CNTN1: variants seen among roughly 807,000 people sequenced by gnomAD.
CNTN1 encodes the protein contactin 1, also known as contactin-1.
Under a neutral mutation model 126.4 loss-of-function variants are expected in CNTN1, and 38 were observed. The observed-to-expected ratio is 0.30, with a 90% CI of 0.23 to 0.39. The LOEUF is 0.39. Ranked by LOEUF, CNTN1 falls within the 10% of genes least tolerant of loss-of-function variation. The pLI is 1.00. For missense variants in CNTN1, 1,009 were observed against 1,248.4 expected (o/e 0.81, Z 2.89); for synonymous variants, 413 against 422.6 (o/e 0.98, Z 0.28).
In CNTN1 at chr12:41,018,349, C is replaced by T. The variant is rs1398066262; in HGVS notation, c.2419+1433C>T. ...GTTCACCCAACTTCCATTGTTTTCA[C>T]TCCAAGATAGACATTTAGCCATGCC... On this transcript the variant is annotated intron_variant, in intron 19 of 23. Transcript: ENST00000551295. 3.3e-5 allele frequency among the ~76,000 whole-genome samples: 5 copies of T among 152,004 alleles called. No individual in the cohort carries two copies. The East Asian group carries it at 9.6e-4, about 29-fold the overall frequency.
At chr12:41,029,512 T>C (rs1160650360) in intron 23 of CNTN1, among the ~76,000 whole-genome samples, 1 of 152,216 alleles carries the variant, frequency 6.6e-6, no homozygotes, top group Non-Finnish European at 1.5e-5. Context: ...TGGAACATAT[T>C]AGTTTATTTG....
At chr12:40,991,979 CA>C (rs1948106290) in intron 16 of CNTN1, among the ~76,000 whole-genome samples, 1 of 152,146 alleles carries the variant, frequency 6.6e-6, no homozygotes, top group African/African-American at 2.4e-5. Flanking sequence ...TGAATTAAAA[CA>C]AACAGTTTCC....
chr12:40,738,333 G>A (rs1185511912), intron 1 of CNTN1, among the ~76,000 whole-genome samples: 1 of 151,832 alleles, frequency 6.6e-6, no homozygotes, highest in Non-Finnish European at 1.5e-5. Context: ...TGGGAGATGG[G>A]GCAGAAATTT....
At chr12:40,768,328 A>G (rs1177913632) in intron 1 of CNTN1, among the ~76,000 whole-genome samples, 1 of 152,238 alleles carries the variant, frequency 6.6e-6, no homozygotes, top group Non-Finnish European at 1.5e-5. Context: ...GCGAGCCCGC[A>G]GATCTTTGTC....
rs151182736 is a variant in CNTN1, at chr12:40,754,381, T to G, written c.-77+61789T>G. On this transcript the variant is annotated intron_variant, in intron 1 of 23. Coordinates refer to ENST00000551295, the MANE Select transcript of CNTN1 (RefSeq NM_001843.4). ...ATTTTCATATAACCAATGCACATTC[T>G]CCTGCATACTTTAAATCATGTCTAC... is the stretch of plus-strand genomic sequence containing the variant. Among the ~76,000 whole-genome samples, 3 of 152,270 alleles carry G rather than the reference T, an allele frequency of 2.0e-5. No homozygotes were observed. In the East Asian group the frequency reaches 5.8e-4, roughly 29 times the overall value.
At chr12:40,809,814 TCACACACACACACACACA>T (rs3223354) in intron 1 of CNTN1, among the ~76,000 whole-genome samples, 4 of 146,744 alleles carry the variant, frequency 2.7e-5, no homozygotes, top group African/African-American at 1.0e-4. Context: ...AGACTCTGTC[TCACACACACACACACACA>T]CACACACACA....
At chr12:40,890,982 G>C (rs371873490) in intron 1 of CNTN1, among the ~76,000 whole-genome samples, 3 of 152,246 alleles carry the variant, frequency 2.0e-5, no homozygotes, top group East Asian at 3.9e-4. Flanking sequence ...GAGAGTTCCT[G>C]TTCTTCCACA....
At chr12:40,893,379 A>G (rs562310001) in intron 1 of CNTN1, among the ~76,000 whole-genome samples, 3 of 152,264 alleles carry the variant, frequency 2.0e-5, no homozygotes, top group Non-Finnish European at 2.9e-5. Context: ...GTTAACAAAA[A>G]TAAAAGAGGA....
At chr12:40,880,423 A>G (rs989107166) in intron 1 of CNTN1, among the ~76,000 whole-genome samples, 1 of 152,028 alleles carries the variant, frequency 6.6e-6, no homozygotes, top group East Asian at 1.9e-4. Flanking sequence ...GAAAATAATA[A>G]AGTCATCAAG....
chr12:40,716,771 C>T (rs947420140), intron 1 of CNTN1, among the ~76,000 whole-genome samples: 1 of 152,184 alleles, frequency 6.6e-6, no homozygotes, highest in African/African-American at 2.4e-5. Context: ...ACCTCTGATA[C>T]TAAGAATAAA....
At chr12:40,994,203 AG>A (rs999459903) in intron 17 of CNTN1, among the ~76,000 whole-genome samples, 1 of 152,098 alleles carries the variant, frequency 6.6e-6, no homozygotes. Flanking sequence ...AGAAAGAAGG[AG>A]GGAGGCCTAC....
intron 1 of CNTN1, chr12:40,828,045 T>A (rs1941676456): frequency 6.6e-6 from 1 of 152,182 alleles, no homozygotes; most frequent in Non-Finnish European, 1.5e-5. Context: ...ATCTCCCAGC[T>A]CACAGCACGG....
intron 15 of CNTN1, among the ~76,000 whole-genome samples, chr12:40,968,712 C>T (rs1947391357): frequency 6.6e-6 from 1 of 152,104 alleles, no homozygotes; most frequent in Non-Finnish European, 1.5e-5. Flanking sequence ...ATTCCCATTT[C>T]ATAGGCAAAG....
At chr12:40,858,212 A>G (rs1167638274) in intron 1 of CNTN1, among the ~76,000 whole-genome samples, 1 of 152,208 alleles carries the variant, frequency 6.6e-6, no homozygotes, top group East Asian at 1.9e-4. Context: ...GGCCTCTCCC[A>G]ACATAGCAGC....
chr12:41,069,502 T>G lies in CNTN1; in HGVS notation c.2981-457T>G, dbSNP rs1313423675. On this transcript the variant is annotated intron_variant, in intron 23 of 23. Transcript: ENST00000551295. ...GCACAATGTGCAGGTTTGTTACATA[T>G]GTATACAAGTGCCATGTTGGTGTGC... Among the ~76,000 whole-genome samples, 4 of 152,292 alleles carry G rather than the reference T, an allele frequency of 2.6e-5. No individual in the cohort carries two copies. In the East Asian group the frequency reaches 5.8e-4, roughly 22 times the overall value.
rs117408576 is a variant in CNTN1, at chr12:40,790,188, C to T, written c.-77+97596C>T. Among the ~76,000 whole-genome samples the T allele has an allele frequency of 1.3e-3, 192 of 152,218 alleles. 1 individual carries two copies. The highest frequency in any genetic ancestry group is 2.2e-3 in the Non-Finnish European group (151 of 67,992). ...TTGTGCAATACATGTGACTCCTGCT[C>T]TTAAGGTCCAGACCCAATTGGCCTT... On this transcript the variant is annotated intron_variant, in intron 1 of 23. Transcript: ENST00000551295.
chr12:41,044,056 G>A (rs1250747739), intron 23 of CNTN1, among the ~76,000 whole-genome samples: 2 of 147,886 alleles, frequency 1.4e-5, no homozygotes, highest in Non-Finnish European at 3.0e-5. Flanking sequence ...GCTAAATGAC[G>A]AGTTAATGGG....
intron 1 of CNTN1, among the ~76,000 whole-genome samples, chr12:40,753,764 A>T (rs1938493290): frequency 6.6e-6 from 1 of 152,116 alleles, no homozygotes; most frequent in Admixed American, 6.6e-5. Context: ...CATTTTTTGT[A>T]ACAGATATTT....
chr12:40,799,630 T>C (rs1940570021), intron 1 of CNTN1, among the ~76,000 whole-genome samples: 1 of 152,024 alleles, frequency 6.6e-6, no homozygotes, highest in Non-Finnish European at 1.5e-5. Context: ...AGCCAGTCAG[T>C]AAGTAAGCAT....
Sources: allele counts gnomAD v4.1 joint callset (sites outside exome capture counted in the v4.1 genomes callset), GRCh38; gene constraint gnomAD v4.1.1; transcripts MANE v1.5; gene names NCBI Gene and HGNC (gene_info 2026-07-23, HGNC 2026-07-21).